NBEAL1: variants seen among roughly 807,000 people sequenced by gnomAD.
NBEAL1 encodes the protein neurobeachin like 1, also known as neurobeachin-like protein 1.
In NBEAL1, 273 loss-of-function variants were observed where a neutral mutation model predicts 351.3. That is an observed-to-expected ratio of 0.78 (90% CI 0.70 to 0.86). The LOEUF is 0.86. NBEAL1 is among the 40% of genes least tolerant of loss of function. The pLI is 0.00. For synonymous variants in NBEAL1, 1,050 were observed against 1,086.4 expected (o/e 0.97, Z 0.66); for missense variants, 2,961 against 3,201.3 (o/e 0.92, Z 1.81).
chr2:203,205,745 T>C (rs1391283831), intron 51 of NBEAL1, among the ~76,000 whole-genome samples: 1 of 152,238 alleles, frequency 6.6e-6, no homozygotes, highest in Non-Finnish European at 1.5e-5. Flanking sequence ...TATGGGGATA[T>C]GCAATCTTTA....
At chr2:203,084,715 GA>G in intron 10 of NBEAL1, 146 bp downstream of exon 10, 1 of 463,334 alleles carries the variant, frequency 2.2e-6, no homozygotes, top group Non-Finnish European at 3.8e-6. Context: ...ATCTTGAATT[GA>G]AACTAGTATT....
intron 10 of NBEAL1, among the ~76,000 whole-genome samples, chr2:203,094,620 G>GT (rs1193069841): frequency 6.6e-6 from 1 of 152,072 alleles, no homozygotes; most frequent in Non-Finnish European, 1.5e-5. Context: ...GTTGATTTCC[G>GT]TAAGTATTTG....
In NBEAL1 at chr2:203,126,041, G is replaced by A. The variant is rs2106283000; in HGVS notation, c.2933G>A (p.Gly978Asp). 6.5e-7 allele frequency: 1 copy of A among 1,543,212 alleles called. No individual in the cohort carries two copies. The highest frequency in any genetic ancestry group is 8.7e-7 in the Non-Finnish European group (1 of 1,143,612). Residue 978 changes from glycine (G) to aspartate (D), a missense_variant, in exon 21 of 56, where the codon GGC (glycine) becomes GAC (aspartate). By Grantham distance (94) the Gly-to-Asp change is moderately conservative (BLOSUM62 -1). Transcript: ENST00000683969. ...ATTCAGAGACATCCTATCAACCAGGGCAATCTTATTCACTCCCATGGAGTT... is the reference window on the plus strand; with the variant it reads ...ATTCAGAGACATCCTATCAACCAGGACAATCTTATTCACTCCCATGGAGTT... ...HFIQRHPINQ[G>D]NLIHSHGVAT...
At chr2:203,123,842 A>G (rs1268868353) in intron 19 of NBEAL1, among the ~76,000 whole-genome samples, 1 of 152,232 alleles carries the variant, frequency 6.6e-6, no homozygotes, top group South Asian at 2.1e-4. Context: ...TGGATTATTA[A>G]CTAGTTAGAC....
chr2:203,121,562 G>A (rs2062831551), intron 18 of NBEAL1, among the ~76,000 whole-genome samples: 1 of 150,186 alleles, frequency 6.7e-6, no homozygotes, highest in Non-Finnish European at 1.5e-5. Flanking sequence ...TGAGGCAGGA[G>A]AATTGCTCGA....
chr2:203,063,239 C>T (rs1454383405), intron 6 of NBEAL1, among the ~76,000 whole-genome samples: 1 of 151,628 alleles, frequency 6.6e-6, no homozygotes, highest in African/African-American at 2.4e-5. Flanking sequence ...CTTTGGGAGG[C>T]CAAGGCAGGA....
intron 2 of NBEAL1, among the ~76,000 whole-genome samples, chr2:203,033,387 G>C (rs564461036): frequency 6.6e-6 from 1 of 152,298 alleles, no homozygotes; most frequent in East Asian, 1.9e-4. Flanking sequence ...CAGAAAGTTG[G>C]CATGTACTAA....
At chr2:203,021,922 G>A (rs2105994295) in intron 2 of NBEAL1, among the ~76,000 whole-genome samples, 1 of 151,748 alleles carries the variant, frequency 6.6e-6, no homozygotes, top group Middle Eastern at 3.4e-3. Flanking sequence ...ACGGTGGCGG[G>A]CACCTGTAAT....
chr2:203,038,588 A>T (rs1463844312), intron 2 of NBEAL1, among the ~76,000 whole-genome samples: 1 of 148,872 alleles, frequency 6.7e-6, no homozygotes, highest in Non-Finnish European at 1.5e-5. Context: ...TATGTTTTTC[A>T]TACAAGTCCC....
In NBEAL1 at chr2:203,190,318, G is replaced by T. The variant is rs1436218686; in HGVS notation, c.6850G>T (p.Asp2284Tyr). 6.2e-7 allele frequency: 1 copy of T among 1,611,958 alleles called. No homozygotes were observed. The highest frequency in any genetic ancestry group is 1.7e-5 in the Admixed American group (1 of 59,404). Residue 2284 changes from aspartate (D) to tyrosine (Y), a missense_variant, in exon 46 of 56, where the codon GAT (aspartate) becomes TAT (tyrosine). Physicochemically the swap from Asp to Tyr is radical, Grantham distance 160 (BLOSUM62 -3). Transcript: ENST00000683969. ...EGAVDLDALT[D>Y]EKERKALEGM... ...AGCTGTGGATCTGGATGCCTTAACAGATGAGAAAGAAAGAAAAGCCTTAGA... is the reference window on the plus strand; with the variant it reads ...AGCTGTGGATCTGGATGCCTTAACATATGAGAAAGAAAGAAAAGCCTTAGA...
chr2:203,100,081 A>G (rs892877213), intron 12 of NBEAL1, among the ~76,000 whole-genome samples: 1 of 152,074 alleles, frequency 6.6e-6, no homozygotes, highest in Non-Finnish European at 1.5e-5. Context: ...TGAGGATATG[A>G]TCTCCTTTGT....
intron 2 of NBEAL1, among the ~76,000 whole-genome samples, chr2:203,039,318 CT>C (rs1421832768): frequency 2.9e-4 from 16 of 54,734 alleles, no homozygotes; most frequent in African/African-American, 4.3e-4. Flanking sequence ...CCCTCCCCCC[CT>C]CCCCTCCCCC....
intron 51 of NBEAL1, among the ~76,000 whole-genome samples, chr2:203,207,731 C>A (rs1181946730): frequency 6.6e-6 from 1 of 152,182 alleles, no homozygotes; most frequent in Non-Finnish European, 1.5e-5. Context: ...CGTTAAGAGT[C>A]ATCACCACTC....
intron 6 of NBEAL1, among the ~76,000 whole-genome samples, chr2:203,060,506 T>A (rs183824553): frequency 6.6e-6 from 1 of 152,250 alleles, no homozygotes; most frequent in East Asian, 1.9e-4. Flanking sequence ...AAATTAAAAT[T>A]ACCTCCGTAT....
At chr2:203,207,317 G>GC (rs1465843003) in intron 51 of NBEAL1, among the ~76,000 whole-genome samples, 1 of 150,240 alleles carries the variant, frequency 6.7e-6, no homozygotes, top group Non-Finnish European at 1.5e-5. Flanking sequence ...CCGGCCAGCC[G>GC]CCCCCTCCGG....
intron 2 of NBEAL1, chr2:203,040,352 C>G (rs375499079): frequency 1.4e-6 from 1 of 713,740 alleles, no homozygotes; most frequent in South Asian, 1.5e-5. Context: ...TTGGAATTGC[C>G]AGATAAACAT....
chr2:203,180,558 G>A (rs1282072457), intron 43 of NBEAL1, 46 bp downstream of exon 43: 2 of 1,536,898 alleles, frequency 1.3e-6, no homozygotes, highest in Non-Finnish European at 8.8e-7. Flanking sequence ...TCCCAATGGA[G>A]GAGCCTCAAA....
At chr2:203,069,436 A>G (rs1386443262) in intron 7 of NBEAL1, among the ~76,000 whole-genome samples, 1 of 152,150 alleles carries the variant, frequency 6.6e-6, no homozygotes, top group Non-Finnish European at 1.5e-5. Context: ...GTAGAACAGT[A>G]TAAGGTGTTT....
Position 203,209,921 on chromosome 2 carries a change from T to G in NBEAL1, c.7785+599T>G, listed in dbSNP as rs552740992. Among the ~76,000 whole-genome samples the G allele has an allele frequency of 3.3e-5, 5 of 152,200 alleles. No individual in the cohort carries two copies. The South Asian group carries it at 6.2e-4, about 19-fold the overall frequency. On this transcript the variant is annotated intron_variant, in intron 53 of 55. Coordinates refer to ENST00000683969, the MANE Select transcript of NBEAL1 (RefSeq NM_001378026.1). ...GTGCCACCACACCTGGCTAGTTTTT[T>G]TTAATTTTTGTTAGAGACGAGGTCT...
Sources: allele counts gnomAD v4.1 joint callset (sites outside exome capture counted in the v4.1 genomes callset), GRCh38; gene constraint gnomAD v4.1.1; transcripts MANE v1.5; gene names NCBI Gene and HGNC (gene_info 2026-07-23, HGNC 2026-07-21).